Variants in WDR90 observed in about 807,000 individuals in gnomAD.
The protein encoded by WDR90 is WD repeat-containing protein 90.
A neutral mutation model predicts 195.2 loss-of-function variants in WDR90; 238 were observed. That is an observed-to-expected ratio of 1.22 (90% CI 1.10 to 1.36). The LOEUF is 1.36. Ranked by LOEUF, WDR90 falls within the 40% of genes most tolerant of loss-of-function variation. The probability of loss-of-function intolerance (pLI) is 0.00; values close to 1 mark genes in which losing one functional copy is unlikely to be tolerated. For missense variants in WDR90, 2,734 were observed against 2,439.5 expected (o/e 1.12, Z -2.54); for synonymous variants, 1,265 against 1,052.4 (o/e 1.20, Z -3.91).
At chr16:661,005 C>CA in intron 28 of WDR90, 46 bp from the exon 29 acceptor site, 1 of 123,328 alleles carries the variant, frequency 8.1e-6, no homozygotes, top group South Asian at 9.2e-5. Context: ...TCCCCGCCCC[C>CA]CCCCCCCCCC....
chr16:657,308 C>G, intron 20 of WDR90, 87 bp downstream of exon 20: 1 of 1,443,442 alleles, frequency 6.9e-7, no homozygotes, highest in South Asian at 1.4e-5. Context: ...ACACACATGC[C>G]GGTTTCCTGG....
intron 20 of WDR90, 110 bp from the exon 21 acceptor site, chr16:657,652 G>C (rs59617542): frequency 1.4e-6 from 2 of 1,379,654 alleles, no homozygotes; most frequent in African/African-American, 3.0e-5. Context: ...TCTGTGCTCC[G>C]GGGCTGGTGT....
chr16:662,375 G>C, intron 33 of WDR90, 44 bp downstream of exon 33: 1 of 1,537,958 alleles, frequency 6.5e-7, no homozygotes, highest in Non-Finnish European at 8.7e-7. Context: ...CGTGGGTGTT[G>C]GTGTCCCTGA....
At position 655,576 on chromosome 16, in the gene WDR90, C is replaced by G. The variant is rs887349028; in HGVS notation, c.1722C>G (p.Phe574Leu). The change falls in exon 16 of 41, where the codon TTC (phenylalanine) becomes TTG (leucine). Residue 574 changes from phenylalanine to leucine, a missense_variant. Transcript: ENST00000293879. ...GCPEPSAAML[F>L]VCSRSGHILE... ...TCCCTGCCGCCTCCTCGGGCAGCTT[C>G]GTGTGCAGCCGCAGTGGCCACATCT... 1 of 1,590,094 alleles carries G rather than the reference C, an allele frequency of 6.3e-7. No homozygotes were observed. The highest frequency in any genetic ancestry group is 8.6e-7 in the Non-Finnish European group (1 of 1,165,904).
At position 656,391 on chromosome 16, in the gene WDR90, G is replaced by C; in HGVS notation, c.2056G>C (p.Asp686His). ...ATSSGHLGFL[D>H]TLSRVYHMLA... ...CTCCTCGGGCCACCTGGGCTTCCTG[G>C]ACACGCTGTCCCGGGTGTACCACAT... The change falls in exon 18 of 41, where the codon GAC becomes CAC. Residue 686 changes from aspartate (D) to histidine (H), a missense_variant. By Grantham distance (81) the Asp-to-His change is moderately conservative. Transcript: ENST00000293879. 1 of 1,608,778 alleles carries C rather than the reference G, an allele frequency of 6.2e-7. No individual in the cohort carries two copies. Among genetic ancestry groups the C allele is most frequent in the Non-Finnish European group, 8.5e-7 (1 of 1,179,438 alleles).
Position 655,350 on chromosome 16 carries a change from C to T in WDR90, c.1600C>T (p.Arg534Cys), listed in dbSNP as rs368933652. Residue 534 changes from arginine (R) to cysteine (C), a missense_variant, in exon 15 of 41, where the codon CGT (arginine) becomes TGT (cysteine). By Grantham distance (180) the Arg-to-Cys change is radical. Transcript: ENST00000293879. ...GGGCAGTGTGCGGCTCTGGCGGCTG[C>T]GTGGCGGGGTGCTGCGTTCCTGCCC... Reference protein sequence around the residue: ...GQGSVRLWRLRGGVLRSCPVD... With the variant: ...GQGSVRLWRLCGGVLRSCPVD... 1.4e-5 allele frequency: 22 copies of T among 1,602,162 alleles called. No homozygotes were observed. The highest frequency in any genetic ancestry group is 2.7e-5 in the African/African-American group (2 of 74,820).
chr16:652,029 G>A lies in WDR90; in HGVS notation c.1043G>A (p.Gly348Asp), dbSNP rs1357389127. 6.3e-7 allele frequency: 1 copy of A among 1,594,394 alleles called. No homozygotes were observed. Among genetic ancestry groups the A allele is most frequent in the Non-Finnish European group, 8.5e-7 (1 of 1,172,780 alleles). ...GCTGAGGTGCCCGTGGCCCGCACCG[G>A]CTCCTGCGAAGTGAGTGCCCATCCC... is the stretch of plus-strand genomic sequence containing the variant. ...ESAEVPVART[G>D]SCEGFLPDPV... Residue 348 changes from glycine to aspartate, a missense_variant, in exon 9 of 41, where the codon GGC becomes GAC. Coordinates refer to ENST00000293879, the MANE Select transcript of WDR90 (RefSeq NM_145294.5).
At chr16:653,701 G>A (rs1233424680) in intron 12 of WDR90, 31 bp downstream of exon 12, 1 of 1,613,068 alleles carries the variant, frequency 6.2e-7, no homozygotes, top group Admixed American at 1.7e-5. Flanking sequence ...TGCAGGGGGA[G>A]GGGGTCAGCC....
rs1567222117 is a variant in WDR90 at position 662,771 on chromosome 16, C to CGG, written c.4239_4240dup (p.Ala1414GlyfsTer26). On this transcript the variant is annotated frameshift_variant, in exon 34 of 41. Coordinates refer to ENST00000293879, the MANE Select transcript of WDR90 (RefSeq NM_145294.5). LOFTEE classifies it high-confidence loss of function. ...GTGGACATGGGCGTCGTGGGCACCACGGCGGGCACGCTGTGGTTTGTCAGC... is the reference window on the plus strand; with the variant it reads ...GTGGACATGGGCGTCGTGGGCACCACGGGGCGGGCACGCTGTGGTTTGTCAGC... 1 of 1,607,716 alleles carries CGG rather than the reference C, an allele frequency of 6.2e-7. No homozygotes were observed. The highest frequency in any genetic ancestry group is 1.3e-5 in the African/African-American group (1 of 74,880).
chr16:660,146 C>A lies in WDR90; in HGVS notation c.3273C>A (p.Ser1091Arg). 4 of 1,535,162 alleles carry A rather than the reference C, an allele frequency of 2.6e-6. No homozygotes were observed. The highest frequency in any genetic ancestry group is 3.5e-6 in the Non-Finnish European group (4 of 1,136,928). Residue 1091 changes from serine to arginine, a missense_variant, in exon 27 of 41, where the codon AGC becomes AGA. Coordinates refer to ENST00000293879, the MANE Select transcript of WDR90 (RefSeq NM_145294.5). The part of the protein sequence containing the change: ...KAFTPARVSC[S>R]PHSAKGTCPP... ...TCACGCCTGCCAGGGTCAGCTGCAGCCCCCACTCTGCCAAGGTGGGGAGTG... is the reference window on the plus strand; with the variant it reads ...TCACGCCTGCCAGGGTCAGCTGCAGACCCCACTCTGCCAAGGTGGGGAGTG...
chr16:664,661 C>T (rs1416628329), intron 34 of WDR90, among the ~76,000 whole-genome samples: 1 of 151,968 alleles, frequency 6.6e-6, no homozygotes, highest in Non-Finnish European at 1.5e-5. Context: ...TCCCTGCAGT[C>T]CCTCATTGCT....
chr16:663,350 A>C, intron 34 of WDR90: 1 of 297,812 alleles, frequency 3.4e-6, no homozygotes, highest in Non-Finnish European at 6.5e-6. Flanking sequence ...AGACAAGAGA[A>C]TCGCTTGAAC....
At chr16:656,240 G>T in intron 17 of WDR90, 62 bp from the exon 18 acceptor site, 1 of 1,488,202 alleles carries the variant, frequency 6.7e-7, no homozygotes, top group Non-Finnish European at 9.1e-7. Context: ...GGGACCCGAA[G>T]CCTGAGCATG....
intron 17 of WDR90, 93 bp downstream of exon 17, chr16:655,982 C>A: frequency 1.4e-6 from 2 of 1,399,002 alleles, no homozygotes; most frequent in East Asian, 2.5e-5. Flanking sequence ...TGCTGTCAGC[C>A]GCCCTGGCTC....
At position 666,487 on chromosome 16, in the gene WDR90, A is replaced by G. The variant is rs764717585; in HGVS notation, c.4773A>G (p.Leu1591=). The G allele has an allele frequency of 1.2e-6, 2 of 1,612,526 alleles. No individual in the cohort carries two copies. The highest frequency in any genetic ancestry group is 1.3e-5 in the African/African-American group (1 of 74,918). ...CEDLGVEGTD[L]WLAASGDQRV... The stretch of plus-strand genomic sequence containing the variant: ...ACTTAGGGGTGGAGGGCACAGACCT[A>G]TGGCTGGCTGCCAGTGGGGACCAGC... Residue 1591 remains leucine (L), a synonymous_variant, in exon 38 of 41, where the codon CTA becomes CTG. Coordinates refer to ENST00000293879, the MANE Select transcript of WDR90 (RefSeq NM_145294.5).
Position 651,221 on chromosome 16 carries a change from G to A in WDR90, c.691G>A (p.Val231Met). 6.2e-7 allele frequency: 1 copy of A among 1,613,166 alleles called. No homozygotes were observed. Among genetic ancestry groups the A allele is most frequent in the Non-Finnish European group, 8.5e-7 (1 of 1,179,998 alleles). ...HVRFPSESLK[V>M]PSKPIEKSCS... ...AAGGTTTCCAAGTGAGAGCTTGAAA[G>A]TGCCTTCCAAGCCGATTGAGAAGAG... Residue 231 changes from valine to methionine, a missense_variant, in exon 7 of 41, where the codon GTG becomes ATG. By Grantham distance (21) the Val-to-Met change is conservative. Transcript: ENST00000293879.
intron 7 of WDR90, 107 bp downstream of exon 7, chr16:651,373 G>A: frequency 7.5e-7 from 1 of 1,332,426 alleles, no homozygotes; most frequent in Non-Finnish European, 1.1e-6. Flanking sequence ...GCTGGCTGCA[G>A]CTGGTGCAGG....
intron 40 of WDR90, among the ~76,000 whole-genome samples, 196 bp downstream of exon 40, chr16:667,185 G>A (rs1287105534): frequency 2.0e-5 from 3 of 152,230 alleles, no homozygotes; most frequent in Admixed American, 2.0e-4. Context: ...ACAGCGCCCA[G>A]CACAGGGCCT....
chr16:667,818 G>T lies in WDR90; in HGVS notation c.*229G>T. 1 of 668,340 alleles carries T rather than the reference G, an allele frequency of 1.5e-6. No homozygotes were observed. The highest frequency in any genetic ancestry group is 2.7e-6 in the Non-Finnish European group (1 of 374,976). The allele number at this position is 668,340 out of a possible 1,614,324, so 41.4% of individuals were successfully genotyped here. ...ATGTTTCTATCTTGTAATAAACATG[G>T]GCATTTATTGCATTATTGCTGCATT... On this transcript the variant is annotated 3_prime_UTR_variant, in exon 41 of 41. Coordinates refer to ENST00000293879, the MANE Select transcript of WDR90 (RefSeq NM_145294.5).
Sources: gnomAD v4.1 joint callset for allele counts (sites outside exome capture counted in the v4.1 genomes callset) on GRCh38, gnomAD v4.1.1 for gene constraint, MANE v1.5 for transcripts, NCBI Gene and HGNC (gene_info 2026-07-23, HGNC 2026-07-21) for gene names.